The following NAALADL2 variants were observed in gnomAD, a reference collection of about 807,000 sequenced individuals.
NAALADL2 encodes the protein N-acetylated alpha-linked acidic dipeptidase like 2, also known as inactive N-acetylated-alpha-linked acidic dipeptidase-like protein 2.
Under a neutral mutation model 87.2 loss-of-function variants are expected in NAALADL2, and 76 were observed. The observed-to-expected ratio is 0.87, with a 90% confidence interval of 0.72 to 1.05. The LOEUF is 1.05. Ranked by LOEUF, NAALADL2 falls within the 50% of genes least tolerant of loss-of-function variation. The pLI is 0.00. For synonymous variants in NAALADL2, 354 were observed against 331.0 expected (o/e 1.07, Z -0.75); for missense variants, 1,089 against 945.8 (o/e 1.15, Z -1.99).
intron 1 of NAALADL2, among the ~76,000 whole-genome samples, chr3:175,012,450 G>A (rs1473327987): frequency 3.3e-5 from 5 of 152,142 alleles, no homozygotes; most frequent in Non-Finnish European, 5.9e-5. Flanking sequence ...TTACAGGTGT[G>A]AGCCACCGTG....
chr3:174,731,155 TG>T (rs1199336712), intron 2 of NAALADL2, among the ~76,000 whole-genome samples: 1 of 152,134 alleles, frequency 6.6e-6, no homozygotes, highest in Non-Finnish European at 1.5e-5. Context: ...GCTGGGGATA[TG>T]CATGTTGGAA....
At position 175,696,841 on chromosome 3, in the gene NAALADL2, G is replaced by A. The variant is rs1364313859; in HGVS notation, c.1897-40465G>A. Among the ~76,000 whole-genome samples the A allele has an allele frequency of 3.3e-5, 5 of 152,236 alleles. No homozygotes were observed. The East Asian group carries it at 9.7e-4, about 29-fold the overall frequency. On this transcript the variant is annotated intron_variant, in intron 11 of 13. Coordinates refer to ENST00000454872, the MANE Select transcript of NAALADL2 (RefSeq NM_207015.3). ...TGGAAAGGCTCATCCATGGCAGAAGGCATCACATGGTGAGCAATCACAAAA... is the reference window on the plus strand; with the variant it reads ...TGGAAAGGCTCATCCATGGCAGAAGACATCACATGGTGAGCAATCACAAAA...
intron 5 of NAALADL2, among the ~76,000 whole-genome samples, chr3:175,375,608 A>G (rs578043476): frequency 6.6e-6 from 1 of 152,270 alleles, no homozygotes; most frequent in South Asian, 2.1e-4. Flanking sequence ...TTTGTCTGAT[A>G]TTAGTACAGT....
intron 5 of NAALADL2, among the ~76,000 whole-genome samples, chr3:175,440,687 G>T (rs112078667): frequency 0.017 from 2,530 of 152,128 alleles, 70 homozygotes; most frequent in African/African-American, 0.056. Context: ...TCTCAGCTTG[G>T]TTGCTGTTGG....
intron 2 of NAALADL2, among the ~76,000 whole-genome samples, chr3:174,634,295 A>G (rs1301580029): frequency 6.6e-6 from 1 of 152,140 alleles, no homozygotes; most frequent in Non-Finnish European, 1.5e-5. Context: ...AAGGCTATAT[A>G]TTAAGCTTCT....
At chr3:175,214,344 T>G (rs1427283781) in intron 2 of NAALADL2, among the ~76,000 whole-genome samples, 3 of 152,200 alleles carry the variant, frequency 2.0e-5, no homozygotes, top group Admixed American at 6.6e-5. Flanking sequence ...TGCTGAACTT[T>G]CAGCAATGCT....
chr3:174,887,005 A>T (rs1245831415), intron 1 of NAALADL2, among the ~76,000 whole-genome samples: 1 of 152,146 alleles, frequency 6.6e-6, no homozygotes, highest in Non-Finnish European at 1.5e-5. Flanking sequence ...CTGTATTTCT[A>T]CTCTAATAAT....
At chr3:175,075,324 T>C (rs1716402638) in intron 1 of NAALADL2, among the ~76,000 whole-genome samples, 1 of 151,836 alleles carries the variant, frequency 6.6e-6, no homozygotes, top group Admixed American at 6.5e-5. Flanking sequence ...GTCTGCTTTA[T>C]GCAAAGCTTA....
intron 13 of NAALADL2, among the ~76,000 whole-genome samples, chr3:175,774,031 A>T (rs562392156): frequency 6.6e-6 from 1 of 152,234 alleles, no homozygotes; most frequent in African/African-American, 2.4e-5. Context: ...AGCAAACTAC[A>T]TCCTAAATTC....
At chr3:174,988,108 C>T (rs1746222510) in intron 1 of NAALADL2, among the ~76,000 whole-genome samples, 1 of 152,072 alleles carries the variant, frequency 6.6e-6, no homozygotes. Flanking sequence ...AATAAACTAT[C>T]AGTGGAGATC....
At chr3:175,521,399 G>A in intron 9 of NAALADL2, among the ~76,000 whole-genome samples, 1 of 151,830 alleles carries the variant, frequency 6.6e-6, no homozygotes, top group East Asian at 1.9e-4. Flanking sequence ...AATTTAATTA[G>A]TTCTAACTTT....
intron 11 of NAALADL2, among the ~76,000 whole-genome samples, chr3:175,645,087 T>C (rs1159521076): frequency 1.3e-5 from 2 of 152,234 alleles, no homozygotes; most frequent in East Asian, 3.9e-4. Flanking sequence ...AGAAGCTATG[T>C]AGCTGAAATA....
chr3:174,657,648 T>G (rs897168668), intron 2 of NAALADL2, among the ~76,000 whole-genome samples: 6 of 152,160 alleles, frequency 3.9e-5, no homozygotes, highest in African/African-American at 1.2e-4. Context: ...AGGGCATAAT[T>G]GACATCAGGA....
At chr3:175,164,028 T>C (rs1560107979) in intron 2 of NAALADL2, among the ~76,000 whole-genome samples, 1 of 152,202 alleles carries the variant, frequency 6.6e-6, no homozygotes, top group Non-Finnish European at 1.5e-5. Context: ...TTTGCACGCT[T>C]ATGTAGGAAG....
intron 1 of NAALADL2, among the ~76,000 whole-genome samples, chr3:175,061,701 A>G (rs10049297): frequency 0.013 from 1,974 of 149,510 alleles, 51 homozygotes; most frequent in African/African-American, 0.046. Context: ...AAAATCAGTT[A>G]TTTAGTTTCA....
intron 5 of NAALADL2, among the ~76,000 whole-genome samples, chr3:175,383,771 T>C (rs184315373): frequency 1.3e-5 from 2 of 152,244 alleles, no homozygotes; most frequent in Non-Finnish European, 1.5e-5. Flanking sequence ...TAGCATTTGT[T>C]GAGAATTATC....
chr3:174,543,420 T>G (rs1384295304), intron 1 of NAALADL2, among the ~76,000 whole-genome samples: 1 of 152,138 alleles, frequency 6.6e-6, no homozygotes, highest in African/African-American at 2.4e-5. Context: ...ATTAACTCAT[T>G]CCAGAGACAG....
At chr3:175,672,373 A>G (rs561930327) in intron 11 of NAALADL2, among the ~76,000 whole-genome samples, 8 of 152,174 alleles carry the variant, frequency 5.3e-5, no homozygotes, top group Admixed American at 2.0e-4. Flanking sequence ...AATAAAGGGA[A>G]GTTGATCCTC....
intron 6 of NAALADL2, among the ~76,000 whole-genome samples, chr3:175,452,986 A>G (rs1175903421): frequency 6.6e-6 from 1 of 152,128 alleles, no homozygotes; most frequent in East Asian, 1.9e-4. Flanking sequence ...CTGTCTCAAC[A>G]GTTTTGATTT....
Sources: gnomAD v4.1 joint callset for allele counts (sites outside exome capture counted in the v4.1 genomes callset) on GRCh38, gnomAD v4.1.1 for gene constraint, MANE v1.5 for transcripts, NCBI Gene and HGNC (gene_info 2026-07-23, HGNC 2026-07-21) for gene names.